The following MED13 variants were observed in gnomAD, a reference collection of about 807,000 sequenced individuals.
The protein encoded by MED13 is mediator complex subunit 13, also known as mediator of RNA polymerase II transcription subunit 13.
In MED13, 23 loss-of-function variants were observed where a neutral mutation model predicts 225.2. The observed-to-expected ratio is 0.10, with a 90% CI of 0.07 to 0.14. The LOEUF (loss-of-function observed/expected upper bound fraction) is 0.14. Among genes scored for constraint, MED13 ranks in the 10% least tolerant of loss-of-function variants. The pLI, the probability that MED13 is intolerant of heterozygous loss-of-function variation, is 1.00. For missense variants in MED13, 2,197 were observed against 2,594.5 expected, an observed-to-expected ratio of 0.85 and a Z score of 3.33; for synonymous variants, 942 against 889.2, an observed-to-expected ratio of 1.06 and a Z score of -1.06.
Position 61,965,257 on chromosome 17 carries a change from T to C in MED13, c.4593A>G (p.Ser1531=). 3 of 1,614,128 alleles carry C rather than the reference T, an allele frequency of 1.9e-6. No individual in the cohort carries two copies. In the South Asian group the frequency reaches 3.3e-5, roughly 18 times the overall value. ...ATGAAGTTGAAGCTGTGGTCAAAGT[T>C]GAATTAGCTGTGGCAACTGAAGTAG... ...AISTSVATAN[S]TLTTASTSSS... Residue 1531 remains serine (S), a synonymous_variant, in exon 20 of 30, where the codon TCA becomes TCG. Coordinates refer to ENST00000397786, the MANE Select transcript of MED13 (RefSeq NM_005121.3).
chr17:62,015,071 G>A (rs1182357723), intron 8 of MED13, among the ~76,000 whole-genome samples: 2 of 152,140 alleles, frequency 1.3e-5, no homozygotes, highest in African/African-American at 4.8e-5. Context: ...TCATGAAAAG[G>A]GAGCAGGAGA....
At chr17:61,970,733 T>TG (rs937701470) in intron 17 of MED13, among the ~76,000 whole-genome samples, 9 of 149,182 alleles carry the variant, frequency 6.0e-5, no homozygotes, top group Non-Finnish European at 1.3e-4. Context: ...TAGGTTTTTT[T>TG]TTTTTTTTTC....
intron 12 of MED13, 75 bp downstream of exon 12, chr17:61,986,932 T>G: frequency 9.9e-7 from 1 of 1,011,998 alleles, no homozygotes; most frequent in Non-Finnish European, 1.3e-6. Context: ...AACTCACAAA[T>G]CACTTCTAAA....
At chr17:62,002,661 G>C (rs2080406844) in intron 9 of MED13, among the ~76,000 whole-genome samples, 1 of 151,900 alleles carries the variant, frequency 6.6e-6, no homozygotes, top group Non-Finnish European at 1.5e-5. Context: ...ATTAACAGCA[G>C]GTAATAAATT....
intron 8 of MED13, among the ~76,000 whole-genome samples, chr17:62,013,833 G>A (rs937027196): frequency 6.6e-6 from 1 of 152,160 alleles, no homozygotes; most frequent in Non-Finnish European, 1.5e-5. Flanking sequence ...GAAGTCAGGA[G>A]TTCAAGACCA....
chr17:61,969,282 G>A (rs570395414), intron 17 of MED13, among the ~76,000 whole-genome samples: 4 of 152,252 alleles, frequency 2.6e-5, no homozygotes, highest in African/African-American at 7.2e-5. Flanking sequence ...AACCCAGGGG[G>A]TGGAGGTTGC....
chr17:62,060,426 T>C (rs573593196), intron 2 of MED13, among the ~76,000 whole-genome samples: 35 of 151,912 alleles, frequency 2.3e-4, no homozygotes, highest in African/African-American at 8.4e-4. Context: ...ATCGAGACCA[T>C]CCTGTCTAAC....
chr17:61,950,688 T>C (rs1386023581), intron 28 of MED13, 137 bp downstream of exon 28: 31 of 837,490 alleles, frequency 3.7e-5, no homozygotes, highest in Non-Finnish European at 4.9e-5. Flanking sequence ...CTTCGTGATC[T>C]TGTTTAAAGA....
At chr17:61,994,341 GTTATC>G (rs1447133463) in intron 10 of MED13, among the ~76,000 whole-genome samples, 1 of 152,092 alleles carries the variant, frequency 6.6e-6, no homozygotes, top group African/African-American at 2.4e-5. Context: ...GTGTAGCAAA[GTTATC>G]TTAATCTTAA....
At chr17:62,021,570 C>T (rs890903682) in intron 8 of MED13, among the ~76,000 whole-genome samples, 2 of 152,256 alleles carry the variant, frequency 1.3e-5, no homozygotes, top group African/African-American at 2.4e-5. Context: ...GAACATTCCA[C>T]CACACTAAAG....
Position 62,035,470 on chromosome 17 carries a change from T to C in MED13, c.609A>G (p.Pro203=), listed in dbSNP as rs1425321771. ...TATAATAAAATAATCTACCTTGAAA[T>C]GGGCTATTAGACTGTTGAGCAAGGG... ...HITLAQQSNS[P]FQVILCPFGL... is the part of the protein sequence containing the mutation. The change falls in exon 4 of 30, where the codon CCA becomes CCG. Residue 203 remains proline (P), a synonymous_variant. Transcript: ENST00000397786. 2.5e-6 allele frequency: 4 copies of C among 1,600,242 alleles called. No individual in the cohort carries two copies. In the South Asian group the frequency reaches 3.4e-5, roughly 14 times the overall value.
intron 3 of MED13, among the ~76,000 whole-genome samples, chr17:62,044,848 G>A (rs1487299125): frequency 6.6e-6 from 1 of 152,148 alleles, no homozygotes; most frequent in African/African-American, 2.4e-5. Flanking sequence ...TTTTAGTAGA[G>A]ACAGGGTTTC....
At chr17:62,062,387 C>T (rs2081045580) in intron 2 of MED13, among the ~76,000 whole-genome samples, 1 of 152,106 alleles carries the variant, frequency 6.6e-6, no homozygotes, top group Non-Finnish European at 1.5e-5. Context: ...GATTTGCTCA[C>T]AATAAAATTG....
chr17:62,037,400 C>T (rs1315361451), intron 3 of MED13, among the ~76,000 whole-genome samples: 1 of 152,022 alleles, frequency 6.6e-6, no homozygotes, highest in Non-Finnish European at 1.5e-5. Context: ...AGTGGTGGCT[C>T]ATGCCTGTAA....
intron 23 of MED13, 48 bp downstream of exon 23, chr17:61,960,817 CAA>C (rs2079992009): frequency 7.6e-7 from 1 of 1,317,608 alleles, no homozygotes; most frequent in South Asian, 1.4e-5. Flanking sequence ...AAAAATGAAA[CAA>C]AATGTTACAA....
Position 62,032,937 on chromosome 17 carries a change from G to T in MED13, c.814+850C>A, listed in dbSNP as rs556976182. 2.6e-5 allele frequency among the ~76,000 whole-genome samples: 4 copies of T among 152,214 alleles called. No homozygotes were observed. In the South Asian group the frequency reaches 8.3e-4, roughly 32 times the overall value. On this transcript the variant is annotated intron_variant, in intron 5 of 29. Transcript: ENST00000397786. Reference sequence around the variant, plus strand: ...GGCCAAGGTAGGTGGATCACTTGAGGTCAGGAATTTGAGACCAGCCTGGCC... The same window carrying T: ...GGCCAAGGTAGGTGGATCACTTGAGTTCAGGAATTTGAGACCAGCCTGGCC...
At chr17:62,044,622 G>A (rs936772418) in intron 3 of MED13, among the ~76,000 whole-genome samples, 1 of 152,148 alleles carries the variant, frequency 6.6e-6, no homozygotes, top group African/African-American at 2.4e-5. Flanking sequence ...TACACATAAT[G>A]TAATATAGAC....
Position 61,984,387 on chromosome 17 carries a change from G to C in MED13, c.2692-20C>G, listed in dbSNP as rs1009128096. The C allele has an allele frequency of 1.3e-6, 2 of 1,495,680 alleles. No homozygotes were observed. The highest frequency in any genetic ancestry group is 1.4e-5 in the African/African-American group (1 of 70,372). 92.7% of individuals were successfully genotyped at this position (1,495,680 alleles called of 1,614,324 possible). On this transcript the variant is annotated intron_variant, in intron 14 of 29. Coordinates refer to ENST00000397786, the MANE Select transcript of MED13 (RefSeq NM_005121.3). The stretch of plus-strand genomic sequence containing the variant: ...AAAATCCTACAATATAAAGATGGTA[G>C]GTTTTCAGTATCTTATCTTCTAGGA...
chr17:61,948,787 T>C (rs918195004), intron 28 of MED13, among the ~76,000 whole-genome samples: 25 of 151,164 alleles, frequency 1.7e-4, no homozygotes, highest in Admixed American at 6.6e-5. Flanking sequence ...TGGTTTTACA[T>C]AAGAATAAGT....
Sources: gnomAD v4.1 joint callset for allele counts (sites outside exome capture counted in the v4.1 genomes callset) on GRCh38, gnomAD v4.1.1 for gene constraint, MANE v1.5 for transcripts, NCBI Gene and HGNC (gene_info 2026-07-23, HGNC 2026-07-21) for gene names.